The following COPA variants were observed in gnomAD, a reference collection of about 807,000 sequenced individuals.
The protein encoded by COPA is coatomer subunit alpha.
COPA carries 10 observed loss-of-function variants against 158.7 expected under a neutral mutation model. That is an observed-to-expected ratio of 0.06 (90% CI 0.04 to 0.11). COPA has a LOEUF of 0.11. Ranked by LOEUF, COPA falls within the 10% of genes least tolerant of loss-of-function variation. The pLI is 1.00. For missense variants in COPA, 1,065 were observed against 1,536.7 expected (o/e 0.69, Z 5.13); for synonymous variants, 462 against 542.8 (o/e 0.85, Z 2.07).
chr1:160,293,947 T>C lies in COPA; in HGVS notation c.2677-484A>G, dbSNP rs150793560. 4.2e-3 allele frequency among the ~76,000 whole-genome samples: 634 copies of C among 152,282 alleles called. 4 individuals are homozygous for C. Among genetic ancestry groups the C allele is most frequent in the African/African-American group, 0.014 (598 of 41,566 alleles). On this transcript the variant is annotated intron_variant, in intron 25 of 32. Coordinates refer to ENST00000241704, the MANE Select transcript of COPA (RefSeq NM_004371.4). ...AGGAGCCACCTCACCAGTGACAAAA[T>C]GACATATCAAAAACTCCAATTCAGA...
intron 6 of COPA, chr1:160,326,222 A>G (rs1659485109): frequency 6.5e-6 from 1 of 153,382 alleles, no homozygotes; most frequent in Admixed American, 6.5e-5. Flanking sequence ...TAGGCTCAAG[A>G]AATTTTAAAG....
intron 1 of COPA, among the ~76,000 whole-genome samples, chr1:160,342,227 G>C (rs905772258): frequency 2.6e-5 from 4 of 152,178 alleles, no homozygotes; most frequent in Non-Finnish European, 5.9e-5. Flanking sequence ...GCTTGTTAGT[G>C]GATGTCTCAG....
chr1:160,321,774 C>T (rs1394252754), intron 8 of COPA, among the ~76,000 whole-genome samples: 2 of 151,908 alleles, frequency 1.3e-5, no homozygotes, highest in African/African-American at 2.4e-5. Context: ...GGCAATAGAG[C>T]GAGATCCTGT....
chr1:160,290,642 G>C lies in COPA; in HGVS notation c.3465C>G (p.Ala1155=). 6.2e-7 allele frequency: 1 copy of C among 1,614,178 alleles called. No individual in the cohort carries two copies. The highest frequency in any genetic ancestry group is 1.1e-5 in the South Asian group (1 of 91,074). Residue 1155 remains alanine (A), a synonymous_variant, in exon 32 of 33, where the codon GCC becomes GCG. Transcript: ENST00000241704. ...TGTGCATGTCATAATTGAGCTGGTA[G>C]GCATCTGTGGGATTCTTCTCACAGG... ...LSACEKNPTD[A]YQLNYDMHNP...
At chr1:160,341,528 C>T (rs58508135) in intron 1 of COPA, among the ~76,000 whole-genome samples, 1 of 152,172 alleles carries the variant, frequency 6.6e-6, no homozygotes, top group Admixed American at 6.5e-5. Context: ...TGTGAGATTG[C>T]TCAGGAATAG....
At chr1:160,333,512 T>G in intron 5 of COPA, 91 bp downstream of exon 5, 11 of 901,542 alleles carry the variant, frequency 1.2e-5, no homozygotes, top group Non-Finnish European at 1.9e-5. Context: ...ATAGTCCATT[T>G]GAGAAGGGAG....
Position 160,299,227 on chromosome 1 carries a change from A to T in COPA, c.1705T>A (p.Tyr569Asn). 1 of 1,614,072 alleles carries T rather than the reference A, an allele frequency of 6.2e-7. No homozygotes were observed. Among genetic ancestry groups the T allele is most frequent in the Non-Finnish European group, 8.5e-7 (1 of 1,179,910 alleles). Residue 569 changes from tyrosine to asparagine, a missense_variant, in exon 18 of 33, where the codon TAT becomes AAT. Physicochemically the swap from Tyr to Asn is moderately radical, Grantham distance 143 (BLOSUM62 -2). Coordinates refer to ENST00000241704, the MANE Select transcript of COPA (RefSeq NM_004371.4). ...TTGTTGCCCTTCACCCGTGTGACAT[A>T]GATGGGTAAATCCAGAGTTCGAATG... ...GIIRTLDLPI[Y>N]VTRVKGNNVY...
At position 160,291,371 on chromosome 1, in the gene COPA, T is replaced by C. The variant is rs960224179; in HGVS notation, c.3384A>G (p.Leu1128=). ...FKTAATFARR[L]LELGPKPEVA... is the part of the protein sequence containing the mutation. ...CCTCAGGCTTGGGCCCGAGTTCTAG[T>C]AGGCGCCGAGCAAAGGTGGCAGCTG... The change falls in exon 31 of 33, where the codon CTA becomes CTG. Residue 1128 remains leucine, a synonymous_variant. Coordinates refer to ENST00000241704, the MANE Select transcript of COPA (RefSeq NM_004371.4). The C allele has an allele frequency of 3.7e-6, 6 of 1,613,968 alleles. No homozygotes were observed. The highest frequency in any genetic ancestry group is 1.3e-5 in the African/African-American group (1 of 75,030).
At chr1:160,312,869 CTTTAA>C (rs1659010209) in intron 10 of COPA, among the ~76,000 whole-genome samples, 2 of 152,200 alleles carry the variant, frequency 1.3e-5, no homozygotes, top group African/African-American at 4.8e-5. Flanking sequence ...TCTGCCTTAC[CTTTAA>C]TTTTTCTTCA....
At chr1:160,307,344 T>C in intron 13 of COPA, 99 bp from the exon 14 acceptor site, 2 of 1,155,288 alleles carry the variant, frequency 1.7e-6, no homozygotes, top group South Asian at 2.5e-5. Context: ...GGATGCCATC[T>C]TGGCTTTGCC....
At chr1:160,319,765 C>T (rs576286529) in intron 8 of COPA, among the ~76,000 whole-genome samples, 4 of 151,274 alleles carry the variant, frequency 2.6e-5, no homozygotes, top group Non-Finnish European at 5.9e-5. Context: ...ACAACATGTT[C>T]CTGAAAGACT....
At position 160,298,852 on chromosome 1, in the gene COPA, T is replaced by C; in HGVS notation, c.1970A>G (p.Asn657Ser). ...TRFSLALECG[N>S]IEIALEAAKA... is the part of the protein sequence containing the mutation. ...TGACCATATTCCTCTCACCTCAATG[T>C]TTCCACACTCCAGTGCCAGACTAAA... Residue 657 changes from asparagine (N) to serine (S), a missense_variant, in exon 19 of 33, where the codon AAC (asparagine) becomes AGC (serine). Transcript: ENST00000241704. 6.2e-7 allele frequency: 1 copy of C among 1,614,176 alleles called. No homozygotes were observed. The highest frequency in any genetic ancestry group is 1.6e-4 in the Middle Eastern group (1 of 6,062).
rs1659391902 is a variant in COPA, at chr1:160,323,457, C to T, written c.680G>A (p.Arg227His). ...ATTCATGCGCCAGATCTTCACTTGA[C>T]GATCATCTGCCCCAGATACAATAAG... ...MPLIVSGADD[R>H]QVKIWRMNES... The change falls in exon 8 of 33, where the codon CGT becomes CAT. Residue 227 changes from arginine (R) to histidine (H), a missense_variant. Around this residue, in one of 2 missense-constraint regions of COPA, gnomAD observed 980 missense variants for 1,357.8 expected, o/e 0.72. Coordinates refer to ENST00000241704, the MANE Select transcript of COPA (RefSeq NM_004371.4). The T allele has an allele frequency of 6.2e-7, 1 of 1,609,102 alleles. No individual in the cohort carries two copies. Among genetic ancestry groups the T allele is most frequent in the African/African-American group, 1.3e-5 (1 of 74,902 alleles).
At chr1:160,294,920 T>C in intron 23 of COPA, 63 bp from the exon 24 acceptor site, 9 of 1,416,042 alleles carry the variant, frequency 6.4e-6, no homozygotes, top group Non-Finnish European at 8.9e-6. Context: ...TACGGCCTTT[T>C]CTGTAGGCAG....
At chr1:160,327,865 G>A (rs1647331052) in intron 6 of COPA, among the ~76,000 whole-genome samples, 1 of 152,078 alleles carries the variant, frequency 6.6e-6, no homozygotes, top group Admixed American at 6.6e-5. Flanking sequence ...CTCAAAAAAA[G>A]GAAAGAAAAC....
intron 17 of COPA, among the ~76,000 whole-genome samples, chr1:160,300,261 AC>A (rs1291309416): frequency 9.2e-5 from 14 of 151,702 alleles, no homozygotes; most frequent in Admixed American, 9.2e-4. Context: ...AGTCACTTGA[AC>A]CCGAGAGACG....
At chr1:160,308,382 A>G (rs565005997) in intron 13 of COPA, among the ~76,000 whole-genome samples, 33 of 152,354 alleles carry the variant, frequency 2.2e-4, no homozygotes, top group African/African-American at 7.9e-4. Context: ...CAAAAGAAAC[A>G]GAGCTAGCAA....
chr1:160,290,301 G>A, intron 32 of COPA, 85 bp from the exon 33 acceptor site: 4 of 1,489,964 alleles, frequency 2.7e-6, no homozygotes, highest in Admixed American at 3.4e-5. Flanking sequence ...CCCTCAATGG[G>A]CACAGTAGAC....
chr1:160,314,456 C>A (rs559392247), intron 8 of COPA, among the ~76,000 whole-genome samples: 3 of 152,212 alleles, frequency 2.0e-5, no homozygotes, highest in East Asian at 1.9e-4. Flanking sequence ...TGGTAAAAAA[C>A]CCCATCTCTA....
Sources: gnomAD v4.1 joint callset for allele counts (sites outside exome capture counted in the v4.1 genomes callset) on GRCh38, gnomAD v4.1.1 for gene constraint, gnomAD v4.1.1 regional missense constraint, MANE v1.5 for transcripts, NCBI Gene and HGNC (gene_info 2026-07-23, HGNC 2026-07-21) for gene names.